Variants in MAP4K4 observed in about 807,000 individuals in gnomAD.
The protein encoded by MAP4K4 is HPK/GCK-like kinase HGK.
In MAP4K4, 38 loss-of-function variants were observed where a neutral mutation model predicts 189.6. The observed-to-expected ratio is 0.20, with a 90% CI of 0.15 to 0.26. The LOEUF (loss-of-function observed/expected upper bound fraction) is 0.26, where lower values mean the gene tolerates loss of function less well. Among genes scored for constraint, MAP4K4 ranks in the 10% least tolerant of loss-of-function variants. MAP4K4 has a pLI of 1.00. For synonymous variants in MAP4K4, 610 were observed against 624.3 expected, an observed-to-expected ratio of 0.98 and a Z score of 0.34; for missense variants, 1,054 against 1,726.9, an observed-to-expected ratio of 0.61 and a Z score of 6.91.
chr2:101,747,684 T>C (rs2066343265), intron 2 of MAP4K4, among the ~76,000 whole-genome samples: 1 of 152,226 alleles, frequency 6.6e-6, no homozygotes, highest in Non-Finnish European at 1.5e-5. Context: ...CCAAGGTTTT[T>C]TTCCCTGCCC....
At chr2:101,758,915 C>G (rs1384532595) in intron 2 of MAP4K4, among the ~76,000 whole-genome samples, 1 of 152,004 alleles carries the variant, frequency 6.6e-6, no homozygotes, top group African/African-American at 2.4e-5. Flanking sequence ...AGGCGGATCA[C>G]GAGATCAGGA....
At chr2:101,874,147 G>A (rs1373777398) in exon 26 of MAP4K4, 1 of 1,613,994 alleles carries the variant, frequency 6.2e-7, no homozygotes, top group Non-Finnish European at 8.5e-7. Context: ...GAAAGGCTCA[G>A]TGGTCAATGT....
At chr2:101,775,173 G>A (rs542733034) in intron 2 of MAP4K4, among the ~76,000 whole-genome samples, 1 of 151,800 alleles carries the variant, frequency 6.6e-6, no homozygotes, top group East Asian at 1.9e-4. Flanking sequence ...GCTTTGTGGG[G>A]CCATTATTGG....
intron 2 of MAP4K4, among the ~76,000 whole-genome samples, chr2:101,702,902 A>T (rs2039820505): frequency 6.6e-6 from 1 of 151,942 alleles, no homozygotes; most frequent in South Asian, 2.1e-4. Flanking sequence ...CTCATGTTAG[A>T]CCCCTCATTT....
At chr2:101,882,790 T>G in intron 28 of MAP4K4, 105 bp downstream of exon 28, 5 of 1,167,600 alleles carry the variant, frequency 4.3e-6, no homozygotes, top group Non-Finnish European at 6.0e-6. Context: ...ATAATAAACT[T>G]GTTTCTGAAA....
At chr2:101,884,828 G>T (rs2098458891) in intron 28 of MAP4K4, among the ~76,000 whole-genome samples, 1 of 152,196 alleles carries the variant, frequency 6.6e-6, no homozygotes, top group Non-Finnish European at 1.5e-5. Context: ...CGGTCTCTGT[G>T]TGTTTCAGGA....
At chr2:101,853,838 A>G (rs2097360904) in intron 12 of MAP4K4, among the ~76,000 whole-genome samples, 1 of 152,220 alleles carries the variant, frequency 6.6e-6, no homozygotes, top group Admixed American at 6.5e-5. Flanking sequence ...CTAAGTATCA[A>G]GAATCTGAAT....
intron 2 of MAP4K4, among the ~76,000 whole-genome samples, chr2:101,709,744 T>C (rs2044368546): frequency 6.6e-6 from 1 of 152,124 alleles, no homozygotes; most frequent in Admixed American, 6.5e-5. Context: ...AAGCAAAATA[T>C]GTTATCTTTG....
intron 3 of MAP4K4, among the ~76,000 whole-genome samples, chr2:101,811,370 C>CAAAAAA (rs71378177): frequency 0.12 from 8,002 of 68,628 alleles, 1,261 homozygotes; most frequent in Admixed American, 0.17. Flanking sequence ...GACTGCGTCT[C>CAAAAAA]AAAAAAAAAA....
chr2:101,710,603 A>G (rs997892598), intron 2 of MAP4K4, among the ~76,000 whole-genome samples: 2 of 152,228 alleles, frequency 1.3e-5, no homozygotes, highest in East Asian at 3.8e-4. Context: ...CCTAATGTGT[A>G]AGGCAGAAAA....
chr2:101,807,125 T>C (rs2095028064), intron 3 of MAP4K4, among the ~76,000 whole-genome samples: 1 of 151,774 alleles, frequency 6.6e-6, no homozygotes, highest in South Asian at 2.1e-4. Flanking sequence ...TGATAACAGC[T>C]CACTGCAGCC....
At chr2:101,727,843 C>T (rs1574358306) in intron 2 of MAP4K4, among the ~76,000 whole-genome samples, 1 of 152,166 alleles carries the variant, frequency 6.6e-6, no homozygotes, top group African/African-American at 2.4e-5. Context: ...GTGGCATGAG[C>T]TTATAGTTCC....
chr2:101,829,815 A>G (rs568349160), intron 6 of MAP4K4: 24 of 447,208 alleles, frequency 5.4e-5, no homozygotes, highest in African/African-American at 4.5e-4. Context: ...TACAGCAGCC[A>G]GACTGATCTT....
chr2:101,783,954 C>T (rs2089202150), intron 2 of MAP4K4, among the ~76,000 whole-genome samples: 2 of 152,170 alleles, frequency 1.3e-5, no homozygotes, highest in Admixed American at 6.5e-5. Flanking sequence ...ATTCATTGTG[C>T]TCACCCTTTT....
intron 2 of MAP4K4, among the ~76,000 whole-genome samples, chr2:101,719,928 C>T (rs1239385008): frequency 6.6e-6 from 1 of 151,980 alleles, no homozygotes; most frequent in African/African-American, 2.4e-5. Context: ...AGGAGAATTG[C>T]TTGTACCTGG....
At chr2:101,777,168 T>C (rs1230952050) in intron 2 of MAP4K4, among the ~76,000 whole-genome samples, 2 of 152,176 alleles carry the variant, frequency 1.3e-5, no homozygotes, top group Non-Finnish European at 2.9e-5. Context: ...TGGAGAAATC[T>C]TGTAGCATTT....
At chr2:101,894,088 A>AT (rs1210306551) in exon 33 of MAP4K4, 1 of 152,402 alleles carries the variant, frequency 6.6e-6, no homozygotes, top group Non-Finnish European at 1.5e-5. Context: ...AAATGTTTAG[A>AT]TTCTTTTAGG....
rs2097858123 is a variant in MAP4K4, at chr2:101,867,762, C to G, written c.2455-267C>G. On this transcript the variant is annotated intron_variant, in intron 20 of 32. Transcript: ENST00000324219. ...AGTTTTTAAAAATCACCTTCTTAAA[C>G]TCACTGGTTGCCTACCTTCTGCTTT... The G allele has an allele frequency of 8.5e-6, 4 of 467,844 alleles. No individual in the cohort carries two copies. The South Asian group carries it at 1.8e-4, about 21-fold the overall frequency. The allele number at this position is 467,844 out of a possible 1,614,324, so 29.0% of individuals were successfully genotyped here.
chr2:101,717,875 T>C (rs1047996517), intron 2 of MAP4K4, among the ~76,000 whole-genome samples: 2 of 152,068 alleles, frequency 1.3e-5, no homozygotes, highest in African/African-American at 4.8e-5. Flanking sequence ...TTGGAATCAA[T>C]GTGCTTCAAC....
Sources: gnomAD v4.1 joint callset for allele counts (sites outside exome capture counted in the v4.1 genomes callset) on GRCh38, gnomAD v4.1.1 for gene constraint, MANE v1.5 for transcripts, NCBI Gene and HGNC (gene_info 2026-07-23, HGNC 2026-07-21) for gene names.